Variants in TMEM94 observed in about 807,000 individuals in gnomAD.
The protein encoded by TMEM94 is transmembrane protein 94.
Under a neutral mutation model 158.6 loss-of-function variants are expected in TMEM94, and 81 were observed. The observed-to-expected ratio is 0.51, with a 90% CI of 0.43 to 0.61. TMEM94 has a LOEUF of 0.61. Ranked by LOEUF, TMEM94 falls within the 20% of genes least tolerant of loss-of-function variation. TMEM94 has a pLI of 0.00. For missense variants in TMEM94, 1,435 were observed against 1,762.0 expected (o/e 0.81, Z 3.32); for synonymous variants, 751 against 730.7 (o/e 1.03, Z -0.45).
intron 10 of TMEM94, 91 bp from the exon 11 acceptor site, chr17:75,490,611 C>T (rs113865147): frequency 1.8e-5 from 22 of 1,227,568 alleles, no homozygotes; most frequent in African/African-American, 8.9e-5. Context: ...TTGGGAGCCC[C>T]GCTGGTGTGG....
At position 75,488,011 on chromosome 17, in the gene TMEM94, G is replaced by T. The variant is rs765189013; in HGVS notation, c.489G>T (p.Trp163Cys). The T allele has an allele frequency of 1.2e-6, 2 of 1,614,182 alleles. No homozygotes were observed. The highest frequency in any genetic ancestry group is 1.7e-6 in the Non-Finnish European group (2 of 1,180,036). ...PDLHMPFAPS[W>C]SLHWAYRDGH... is the part of the protein sequence containing the mutation. ...TCCACATGCCTTTTGCGCCATCCTG[G>T]TCCTTGCACTGGGCCTACAGAGACG... The change falls in exon 6 of 32, where the codon TGG (tryptophan) becomes TGT (cysteine). Residue 163 changes from tryptophan (W) to cysteine (C), a missense_variant. Physicochemically the swap from Trp to Cys is radical, Grantham distance 215. Coordinates refer to ENST00000314256, the MANE Select transcript of TMEM94 (RefSeq NM_014738.6).
chr17:75,486,086 C>A, intron 4 of TMEM94, 88 bp downstream of exon 4: 1 of 1,469,756 alleles, frequency 6.8e-7, no homozygotes, highest in Non-Finnish European at 9.1e-7. Context: ...CTCTTGGGGG[C>A]TGTCACCCCC....
chr17:75,492,033 G>A lies in TMEM94; in HGVS notation c.1596+133G>A, dbSNP rs1377918806. ...CTCTGTCCCAGCACCTCCAGGCTAG[G>A]CCAGTGGTCCCTGAGGCCCTCCCCA... On this transcript the variant is annotated intron_variant, in intron 14 of 31. Coordinates refer to ENST00000314256, the MANE Select transcript of TMEM94 (RefSeq NM_014738.6). The surrounding 1 kb of genome is among the most constrained non-coding windows in gnomAD (Gnocchi z 4.4). 6.2e-6 allele frequency: 6 copies of A among 971,616 alleles called. No individual in the cohort carries two copies. The highest frequency in any genetic ancestry group is 9.2e-6 in the Non-Finnish European group (6 of 654,862). The allele number at this position is 971,616 out of a possible 1,614,324, so 60.2% of individuals were successfully genotyped here. A position where few individuals can be genotyped will look rare whatever the true frequency, so the allele number is the denominator to read the frequency against.
rs1366604670 is a variant in TMEM94, at chr17:75,496,363, C to A, written c.3135C>A (p.Ala1045=). 4.3e-6 allele frequency: 7 copies of A among 1,613,978 alleles called. No individual in the cohort carries two copies. The highest frequency in any genetic ancestry group is 1.1e-5 in the South Asian group (1 of 91,094). Residue 1045 remains alanine (A), a synonymous_variant, in exon 24 of 32, where the codon GCC becomes GCA. Transcript: ENST00000314256. ...CCACCAGCATCAGCATGGCCCAGGC[C>A]TCGGATGGCCTTTCTCCCCTGCAGC... ...GYATSISMAQ[A]SDGLSPLQLS...
intron 2 of TMEM94, chr17:75,476,841 G>T (rs1055279542): frequency 1.7e-5 from 26 of 1,502,654 alleles, no homozygotes; most frequent in Middle Eastern, 1.7e-4. Context: ...TGAGAGTCCT[G>T]AAGACAATGC....
chr17:75,459,267 G>A (rs1408841951), intron 1 of TMEM94, among the ~76,000 whole-genome samples: 2 of 152,154 alleles, frequency 1.3e-5, no homozygotes, highest in African/African-American at 4.8e-5. Flanking sequence ...AATGACCAGG[G>A]AGGTGAAGTA....
chr17:75,482,766 T>C (rs1314705822), intron 2 of TMEM94, among the ~76,000 whole-genome samples: 5 of 152,222 alleles, frequency 3.3e-5, no homozygotes, highest in Non-Finnish European at 7.3e-5. Context: ...ATTGCATTCA[T>C]TCATTCATTC....
intron 1 of TMEM94, among the ~76,000 whole-genome samples, chr17:75,470,021 C>T (rs879770471): frequency 6.6e-5 from 10 of 151,720 alleles, no homozygotes; most frequent in African/African-American, 2.4e-4. Flanking sequence ...TGCAGTGAGC[C>T]GAGATCATGC....
chr17:75,495,637 C>T lies in TMEM94; in HGVS notation c.2938C>T (p.Pro980Ser). The change falls in exon 22 of 32, where the codon CCA (proline) becomes TCA (serine). Residue 980 changes from proline (P) to serine (S), a missense_variant. By Grantham distance (74) the Pro-to-Ser change is moderately conservative (BLOSUM62 -1). This residue lies in a region of TMEM94 where 49 missense variants were observed against 98.5 expected (regional missense o/e 0.50). Transcript: ENST00000314256. This position sits in a 1 kb window ranked among gnomAD's most constrained non-coding sequence, Gnocchi z 5.6. Reference protein sequence around the residue: ...LLVPLFTDCTPETMCEMIKIM... With the variant: ...LLVPLFTDCTSETMCEMIKIM... ...AGTGCCCCTTTTCACCGACTGCACCCCAGAGAGTGAGTGCTGTGGCCATGG... is the reference window on the plus strand; with the variant it reads ...AGTGCCCCTTTTCACCGACTGCACCTCAGAGAGTGAGTGCTGTGGCCATGG... 4 of 1,613,386 alleles carry T rather than the reference C, an allele frequency of 2.5e-6. No individual in the cohort carries two copies. Among genetic ancestry groups the T allele is most frequent in the Non-Finnish European group, 3.4e-6 (4 of 1,179,918 alleles).
chr17:75,480,582 G>C (rs1037041650), intron 2 of TMEM94, among the ~76,000 whole-genome samples: 1 of 152,226 alleles, frequency 6.6e-6, no homozygotes. Flanking sequence ...TGTCAGGACA[G>C]CTGCCATGTG....
At chr17:75,494,836 A>G in intron 19 of TMEM94, 28 bp downstream of exon 19, 1 of 1,612,696 alleles carries the variant, frequency 6.2e-7, no homozygotes, top group Non-Finnish European at 8.5e-7. Context: ...TTCTGCCACC[A>G]CTAACTCTGT....
At chr17:75,458,595 G>A (rs1169330609) in intron 1 of TMEM94, among the ~76,000 whole-genome samples, 6 of 151,746 alleles carry the variant, frequency 4.0e-5, no homozygotes, top group Admixed American at 2.6e-4. Flanking sequence ...GGAGGTGGAT[G>A]CCAGAGGATC....
intron 18 of TMEM94, 145 bp from the exon 19 acceptor site, chr17:75,494,480 GTC>G (rs1440637835): frequency 1.4e-6 from 1 of 707,158 alleles, no homozygotes; most frequent in African/African-American, 1.8e-5. Flanking sequence ...TTTCTCCTGT[GTC>G]TGTCGGCTCC....
intron 25 of TMEM94, 85 bp downstream of exon 25, chr17:75,496,892 G>A (rs547090361): frequency 1.4e-6 from 2 of 1,431,062 alleles, no homozygotes; most frequent in South Asian, 2.3e-5. Flanking sequence ...GAAGGAGGCT[G>A]GGGTTAGCAG....
In TMEM94 at chr17:75,499,415, A is replaced by G. The variant is rs2053095407; in HGVS notation, c.*81A>G. 2 of 1,374,594 alleles carry G rather than the reference A, an allele frequency of 1.5e-6. No homozygotes were observed. The highest frequency in any genetic ancestry group is 2.9e-5 in the African/African-American group (2 of 69,706). 85.1% of individuals were successfully genotyped at this position (1,374,594 alleles called of 1,614,324 possible). A position where few individuals can be genotyped will look rare whatever the true frequency, so the allele number is the denominator to read the frequency against. On this transcript the variant is annotated 3_prime_UTR_variant, in exon 32 of 32. Coordinates refer to ENST00000314256, the MANE Select transcript of TMEM94 (RefSeq NM_014738.6). ...ATTTCTGAACAGGGGAGTTTGTATC[A>G]TGAATGTTTCCAGGTTTGCTCCTGC...
chr17:75,478,576 T>G (rs2146367580), intron 2 of TMEM94, among the ~76,000 whole-genome samples: 1 of 152,204 alleles, frequency 6.6e-6, no homozygotes, highest in Middle Eastern at 3.4e-3. Context: ...GATAGAGTTC[T>G]TTCACCACCC....
chr17:75,476,718 T>A (rs1312652043), intron 2 of TMEM94: 14 of 1,535,730 alleles, frequency 9.1e-6, no homozygotes, highest in Non-Finnish European at 1.2e-5. Context: ...GAGCTATGGA[T>A]GCCCCATCAG....
Position 75,493,508 on chromosome 17 carries a change from T to C in TMEM94, c.2104T>C (p.Ser702Pro), listed in dbSNP as rs2052403592. 6.2e-7 allele frequency: 1 copy of C among 1,613,968 alleles called. No homozygotes were observed. The highest frequency in any genetic ancestry group is 8.5e-7 in the Non-Finnish European group (1 of 1,179,992). ...DTTTSTEQML[S>P]HGTADVVLEA... ...TCCCCCAGGCACAGAGCAGATGCTG[T>C]CCCATGGCACCGCTGATGTGGTCTT... The change falls in exon 17 of 32, where the codon TCC becomes CCC. Residue 702 changes from serine to proline, a missense_variant. Physicochemically the swap from Ser to Pro is moderately conservative, Grantham distance 74 (BLOSUM62 -1). Transcript: ENST00000314256.
chr17:75,486,402 C>T lies in TMEM94; in HGVS notation c.385C>T (p.Arg129Ter). ...LKRREVERRL[R>*]GIIDQIQDAL... ...GCGTCGGGAGGTAGAGCGGAGGCTG[C>T]GAGGGATCATTGACCAAATCCAAGG... Residue 129 changes from arginine to a stop codon, truncating the protein, a stop_gained, in exon 5 of 32, where the codon CGA becomes TGA. Transcript: ENST00000314256. LOFTEE classifies it high-confidence loss of function. 1.2e-6 allele frequency: 2 copies of T among 1,614,102 alleles called. No individual in the cohort carries two copies. Among genetic ancestry groups the T allele is most frequent in the Non-Finnish European group, 1.7e-6 (2 of 1,180,008 alleles).
Sources: gnomAD v4.1 joint callset for allele counts (sites outside exome capture counted in the v4.1 genomes callset) on GRCh38, gnomAD v4.1.1 for gene constraint, gnomAD v4.1.1 regional missense constraint, Gnocchi (gnomAD v3.1) non-coding constraint, MANE v1.5 for transcripts, NCBI Gene and HGNC (gene_info 2026-07-23, HGNC 2026-07-21) for gene names.